The following PSD3 variants were observed in gnomAD, a reference collection of about 807,000 sequenced individuals.
PSD3 encodes the protein pleckstrin and Sec7 domain containing 3, also known as PH and SEC7 domain-containing protein 3.
PSD3 carries 49 observed loss-of-function variants against 105.5 expected under a neutral mutation model. That is an observed-to-expected ratio of 0.46 (90% CI 0.37 to 0.59). The LOEUF is 0.59. PSD3 is among the 20% of genes least tolerant of loss of function. The pLI is 0.00. For missense variants in PSD3, 1,561 were observed against 1,263.8 expected (o/e 1.24, Z -3.57); for synonymous variants, 557 against 457.8 (o/e 1.22, Z -2.77).
chr8:18,967,251 G>T (rs965348971), intron 1 of PSD3, among the ~76,000 whole-genome samples: 1 of 151,908 alleles, frequency 6.6e-6, no homozygotes, highest in African/African-American at 2.4e-5. Flanking sequence ...TGCCTCCCAG[G>T]TTCAAGTGAT....
intron 2 of PSD3, among the ~76,000 whole-genome samples, chr8:18,894,261 C>T (rs1818999049): frequency 6.6e-6 from 1 of 152,206 alleles, no homozygotes; most frequent in Admixed American, 6.5e-5. Flanking sequence ...CAAACAATCA[C>T]TGTAGGCAAA....
intron 6 of PSD3, 32 bp downstream of exon 6, chr8:18,804,490 C>G (rs777833624): frequency 6.6e-7 from 1 of 1,520,016 alleles, no homozygotes; most frequent in African/African-American, 1.4e-5. Context: ...CATTTGAAAG[C>G]AATGACGAGC....
intron 11 of PSD3, among the ~76,000 whole-genome samples, chr8:18,626,967 T>G (rs1425915392): frequency 6.6e-6 from 1 of 152,116 alleles, no homozygotes; most frequent in Non-Finnish European, 1.5e-5. Flanking sequence ...TGGAAAGACG[T>G]TTCTTAACAA....
At chr8:18,888,955 G>A (rs989058162) in intron 2 of PSD3, among the ~76,000 whole-genome samples, 5 of 152,210 alleles carry the variant, frequency 3.3e-5, no homozygotes, top group African/African-American at 1.2e-4. Flanking sequence ...AGCTAGCGGG[G>A]CAAAGCTGAA....
chr8:18,579,135 A>AC (rs1563342138), intron 12 of PSD3, among the ~76,000 whole-genome samples: 5 of 72,712 alleles, frequency 6.9e-5, no homozygotes, highest in African/African-American at 2.8e-4. Flanking sequence ...CACACACACA[A>AC]AGGGCAAAAC....
At chr8:18,936,886 C>T (rs887496072) in intron 1 of PSD3, among the ~76,000 whole-genome samples, 1 of 152,010 alleles carries the variant, frequency 6.6e-6, no homozygotes, top group Non-Finnish European at 1.5e-5. Context: ...AACAAAAAAA[C>T]CAGTCTTTCC....
At chr8:18,817,209 C>A (rs575798061) in intron 4 of PSD3, among the ~76,000 whole-genome samples, 41 of 152,326 alleles carry the variant, frequency 2.7e-4, no homozygotes, top group Admixed American at 2.4e-3. Flanking sequence ...CCAACTTCCA[C>A]AATCGGAGAA....
intron 8 of PSD3, among the ~76,000 whole-genome samples, chr8:18,782,547 G>A (rs1300750344): frequency 1.3e-5 from 2 of 152,210 alleles, no homozygotes; most frequent in Non-Finnish European, 2.9e-5. Flanking sequence ...CCAGTTCTTA[G>A]GCAACAGTGA....
chr8:18,658,381 CT>C (rs1292510533), intron 9 of PSD3, among the ~76,000 whole-genome samples: 2 of 152,194 alleles, frequency 1.3e-5, no homozygotes, highest in Non-Finnish European at 2.9e-5. Flanking sequence ...CTTGATTCTT[CT>C]TTATCTCTAA....
At chr8:18,680,555 C>A (rs550794587) in intron 9 of PSD3, among the ~76,000 whole-genome samples, 1 of 152,130 alleles carries the variant, frequency 6.6e-6, no homozygotes, top group African/African-American at 2.4e-5. Flanking sequence ...CCGGTCTCCA[C>A]GAAACACATG....
At chr8:18,603,486 T>C (rs1480111806) in intron 11 of PSD3, among the ~76,000 whole-genome samples, 1 of 152,210 alleles carries the variant, frequency 6.6e-6, no homozygotes, top group East Asian at 1.9e-4. Flanking sequence ...CAATCTTCTA[T>C]TTTTGTTTGT....
At position 19,048,276 on chromosome 8, in the gene PSD3, T is replaced by A. The variant is rs765902045; in HGVS notation, c.324+35930A>T. Among the ~76,000 whole-genome samples, 17 of 152,158 alleles carry A rather than the reference T, an allele frequency of 1.1e-4. No individual in the cohort carries two copies. The South Asian group carries it at 1.5e-3, about 13-fold the overall frequency. On this transcript the variant is annotated intron_variant, in intron 1 of 1. Transcript: ENST00000521475. ...CCACCCTCTCCCACAGGCTGCAGAG[T>A]CCTGGCCGACATATCAACTCGGTGG... is the stretch of plus-strand genomic sequence containing the variant.
chr8:18,689,071 T>C (rs1170977226), intron 9 of PSD3, among the ~76,000 whole-genome samples: 1 of 152,218 alleles, frequency 6.6e-6, no homozygotes, highest in Non-Finnish European at 1.5e-5. Context: ...CTAAAAGGCT[T>C]CTAACAAGGG....
At chr8:18,636,579 C>T (rs1807270981) in intron 10 of PSD3, among the ~76,000 whole-genome samples, 1 of 152,198 alleles carries the variant, frequency 6.6e-6, no homozygotes. Context: ...AACACTCACT[C>T]AGTCACTGAC....
At chr8:19,026,016 C>T (rs1030603742) in intron 1 of PSD3, among the ~76,000 whole-genome samples, 1 of 152,178 alleles carries the variant, frequency 6.6e-6, no homozygotes, top group Non-Finnish European at 1.5e-5. Context: ...AACAAAGTCA[C>T]ATCTTACATG....
chr8:18,860,839 A>G (rs1816384579), intron 4 of PSD3, among the ~76,000 whole-genome samples: 1 of 152,154 alleles, frequency 6.6e-6, no homozygotes, highest in Admixed American at 6.5e-5. Context: ...ATTAACCACC[A>G]TTCCATTTTT....
intron 4 of PSD3, among the ~76,000 whole-genome samples, chr8:18,824,374 A>G (rs1227066495): frequency 6.6e-6 from 1 of 152,196 alleles, no homozygotes; most frequent in Non-Finnish European, 1.5e-5. Context: ...ATAAATTTGG[A>G]GGCTCAAGCC....
intron 9 of PSD3, among the ~76,000 whole-genome samples, chr8:18,677,993 G>C (rs548279151): frequency 6.4e-4 from 88 of 136,502 alleles, no homozygotes; most frequent in Admixed American, 1.5e-3. Context: ...CTGGGCAGCA[G>C]AGCGAGACTC....
Position 18,697,926 on chromosome 8 carries a change from A to G in PSD3, c.2173-42241T>C, listed in dbSNP as rs561346882. 1.2e-4 allele frequency among the ~76,000 whole-genome samples: 19 copies of G among 152,370 alleles called. No homozygotes were observed. The South Asian group carries it at 3.9e-3, about 32-fold the overall frequency. On this transcript the variant is annotated intron_variant, in intron 9 of 15. Coordinates refer to ENST00000327040, the MANE Select transcript of PSD3 (RefSeq NM_015310.4). Reference sequence around the variant, plus strand: ...TGTACATAATTTATCTATTGTGGAAAGATGAATAATGGTCCCCCCAAAGAT... The same window carrying G: ...TGTACATAATTTATCTATTGTGGAAGGATGAATAATGGTCCCCCCAAAGAT...
Sources: allele counts gnomAD v4.1 joint callset (sites outside exome capture counted in the v4.1 genomes callset), GRCh38; gene constraint gnomAD v4.1.1; transcripts MANE v1.5; gene names NCBI Gene and HGNC (gene_info 2026-07-23, HGNC 2026-07-21).